The following SMARCC1 variants were observed in gnomAD, a reference collection of about 807,000 sequenced individuals.
The protein encoded by SMARCC1 is SWI/SNF related BAF chromatin remodeling complex subunit C1, also known as SWI/SNF complex subunit SMARCC1.
Under a neutral mutation model 147.4 loss-of-function variants are expected in SMARCC1, and 43 were observed. That is an observed-to-expected ratio of 0.29 (90% confidence interval 0.23 to 0.38). The LOEUF (loss-of-function observed/expected upper bound fraction) is 0.38, where lower values mean the gene tolerates loss of function less well. Among genes scored for constraint, SMARCC1 ranks in the 10% least tolerant of loss-of-function variants. The pLI, the probability that SMARCC1 is intolerant of heterozygous loss-of-function variation, is 1.00. For missense variants in SMARCC1, 1,119 were observed against 1,381.1 expected (o/e 0.81, Z 3.01); for synonymous variants, 495 against 484.4 (o/e 1.02, Z -0.29).
rs573879883 is a variant in SMARCC1, at chr3:47,670,163, C to A, written c.1899+495G>T. Among the ~76,000 whole-genome samples, 18 of 152,332 alleles carry A rather than the reference C, an allele frequency of 1.2e-4. No individual in the cohort carries two copies. The South Asian group carries it at 3.7e-3, about 32-fold the overall frequency. On this transcript the variant is annotated intron_variant, in intron 19 of 27. Transcript: ENST00000254480. ...TCAATTTAATCATCTCAATACCTAA[C>A]TACATGGAGACACAGAAAAGGATTT... is the stretch of plus-strand genomic sequence containing the variant.
chr3:47,609,871 T>C lies in SMARCC1; in HGVS notation c.3043+195A>G, dbSNP rs145715585. 1.1e-3 allele frequency among the ~76,000 whole-genome samples: 165 copies of C among 152,306 alleles called. No individual in the cohort carries two copies. In the East Asian group the frequency reaches 0.024, roughly 22 times the overall value. ...TGACCTACTCAACAAAAAGGCATCA[T>C]ACCAAGAGAAAAAGAACATGGAAGG... On this transcript the variant is annotated intron_variant, in intron 26 of 27. Transcript: ENST00000254480.
At chr3:47,689,308 T>G (rs2106772727) in intron 13 of SMARCC1, 79 bp downstream of exon 13, 1 of 1,205,000 alleles carries the variant, frequency 8.3e-7, no homozygotes, top group East Asian at 2.3e-5. Context: ...TTGGGTTATG[T>G]CCAATTCAGT....
At chr3:47,663,281 T>C (rs1300564314) in intron 19 of SMARCC1, among the ~76,000 whole-genome samples, 2 of 149,224 alleles carry the variant, frequency 1.3e-5, no homozygotes, top group Non-Finnish European at 3.0e-5. Flanking sequence ...TTTTTACTAA[T>C]ACATACAGAC....
chr3:47,638,315 G>A (rs1234429991), intron 22 of SMARCC1, among the ~76,000 whole-genome samples: 2 of 152,028 alleles, frequency 1.3e-5, no homozygotes, highest in Admixed American at 6.6e-5. Context: ...GGACGGTCTC[G>A]ATCTCTTGGC....
chr3:47,627,628 C>A (rs1050848531), intron 24 of SMARCC1, among the ~76,000 whole-genome samples: 2 of 152,098 alleles, frequency 1.3e-5, no homozygotes, highest in African/African-American at 4.8e-5. Context: ...CGAGGTGCGG[C>A]TATAAAGCTT....
intron 26 of SMARCC1, among the ~76,000 whole-genome samples, chr3:47,607,066 G>A (rs907456547): frequency 1.3e-5 from 2 of 152,084 alleles, no homozygotes; most frequent in African/African-American, 2.4e-5. Flanking sequence ...ACTTTGAGAT[G>A]TGAACTCTTA....
chr3:47,721,609 T>C (rs1235464230), intron 6 of SMARCC1, among the ~76,000 whole-genome samples: 3 of 152,162 alleles, frequency 2.0e-5, no homozygotes, highest in Non-Finnish European at 4.4e-5. Flanking sequence ...TACTTTCCAG[T>C]GCAGATTTTA....
chr3:47,603,364 G>A (rs2106658447), intron 26 of SMARCC1: 1 of 152,288 alleles, frequency 6.6e-6, no homozygotes, highest in Non-Finnish European at 1.5e-5. Flanking sequence ...AGAGGTTGAG[G>A]TGAGCCAAGA....
rs1553692339 is a variant in SMARCC1 at position 47,769,210 on chromosome 3, C to CCAAAAAAAAA, written c.315+3606_315+3607insTTTTTTTTTG. On this transcript the variant is annotated intron_variant, in intron 2 of 27. Transcript: ENST00000254480. ...TGGATGACAGAGCGAGACTCCGTCT[C>CCAAAAAAAAA]AAAAAAAAAAAAAAAAAAAAAAAGG... 1.2e-4 allele frequency among the ~76,000 whole-genome samples: 4 copies of CCAAAAAAAAA among 33,102 alleles called. 2 individuals are homozygous for CCAAAAAAAAA. The highest frequency in any genetic ancestry group is 2.1e-4 in the Non-Finnish European group (4 of 18,986). 21.7% of individuals were successfully genotyped at this position (33,102 alleles called of 152,430 possible).
At chr3:47,701,014 G>T (rs1399444307) in intron 11 of SMARCC1, among the ~76,000 whole-genome samples, 1 of 152,104 alleles carries the variant, frequency 6.6e-6, no homozygotes, top group African/African-American at 2.4e-5. Flanking sequence ...ATATGAATGT[G>T]ATTCTGTTGC....
At chr3:47,732,259 G>A (rs575369889) in intron 5 of SMARCC1, among the ~76,000 whole-genome samples, 1 of 152,306 alleles carries the variant, frequency 6.6e-6, no homozygotes, top group East Asian at 1.9e-4. Flanking sequence ...TCACAGAATT[G>A]AAGAGAGTTA....
intron 1 of SMARCC1, among the ~76,000 whole-genome samples, chr3:47,776,566 G>A (rs978006529): frequency 2.6e-4 from 39 of 152,184 alleles, no homozygotes; most frequent in African/African-American, 8.4e-4. Flanking sequence ...AGCGTGCCAC[G>A]CACTCCAGCC....
chr3:47,646,386 T>G (rs1271349627), intron 21 of SMARCC1, among the ~76,000 whole-genome samples: 1 of 152,182 alleles, frequency 6.6e-6, no homozygotes, highest in Admixed American at 6.5e-5. Context: ...ACCAACAGGT[T>G]AAAAATCCTT....
chr3:47,706,405 TTACCC>T lies in SMARCC1; in HGVS notation c.1039_1040+3del. 6.4e-7 allele frequency: 1 copy of T among 1,560,298 alleles called. No homozygotes were observed. Among genetic ancestry groups the T allele is most frequent in the Non-Finnish European group, 8.6e-7 (1 of 1,158,490 alleles). On this transcript the variant is annotated splice_donor_variant and splice_donor_region_variant and coding_sequence_variant and intron_variant, in exon 10 of 28. Transcript: ENST00000254480. LOFTEE classifies it high-confidence loss of function. ...TGCCCTTTGAATCATGTAATAGTTC[TTACCC>T]TTTCTTCCCACTCTTCTTCCGTGAT...
chr3:47,680,243 C>A, intron 15 of SMARCC1, 194 bp downstream of exon 15: 1 of 494,392 alleles, frequency 2.0e-6, no homozygotes, highest in Non-Finnish European at 3.6e-6. Flanking sequence ...AAAAAAAACC[C>A]CCCAAAACAA....
chr3:47,720,641 A>T (rs1321705730), intron 7 of SMARCC1, 25 bp downstream of exon 7: 5 of 1,445,292 alleles, frequency 3.5e-6, no homozygotes, highest in Non-Finnish European at 4.8e-6. Flanking sequence ...TCTTTATACC[A>T]GGTCTCACAG....
At chr3:47,669,589 G>T (rs185227690) in intron 19 of SMARCC1, among the ~76,000 whole-genome samples, 1 of 152,070 alleles carries the variant, frequency 6.6e-6, no homozygotes, top group Admixed American at 6.5e-5. Flanking sequence ...AGCTCTCTGC[G>T]TATCACTGAT....
At position 47,588,013 on chromosome 3, in the gene SMARCC1, G is replaced by A; in HGVS notation, c.*196C>T. On this transcript the variant is annotated 3_prime_UTR_variant, in exon 28 of 28. Transcript: ENST00000254480. ...ACACTGTCACTACAGGTTTCCCCTT[G>A]AGTGTTGGCTGAGGACCCAACACAA... 1.7e-6 allele frequency: 1 copy of A among 572,618 alleles called. No homozygotes were observed. Among genetic ancestry groups the A allele is most frequent in the South Asian group, 2.1e-5 (1 of 48,164 alleles). 35.5% of individuals were successfully genotyped at this position (572,618 alleles called of 1,614,324 possible). A position where few individuals can be genotyped will look rare whatever the true frequency, so the allele number is the denominator to read the frequency against.
rs552246033 is a variant in SMARCC1 at position 47,771,658 on chromosome 3, C to T, written c.315+1159G>A. ...ACTCAGGAGGCTGAGGCAGGAGAAT[C>T]GCTTGAACCCGGGAGGCAGAGGTTG... On this transcript the variant is annotated intron_variant, in intron 2 of 27. Coordinates refer to ENST00000254480, the MANE Select transcript of SMARCC1 (RefSeq NM_003074.4). Among the ~76,000 whole-genome samples the T allele has an allele frequency of 3.3e-5, 5 of 152,200 alleles. No homozygotes were observed. The East Asian group carries it at 9.7e-4, about 29-fold the overall frequency.
Sources: allele counts gnomAD v4.1 joint callset (sites outside exome capture counted in the v4.1 genomes callset), GRCh38; gene constraint gnomAD v4.1.1; transcripts MANE v1.5; gene names NCBI Gene and HGNC (gene_info 2026-07-23, HGNC 2026-07-21).